THSD4: variants seen among roughly 807,000 people sequenced by gnomAD.
THSD4 encodes the protein thrombospondin type-1 domain-containing protein 4.
In THSD4, 69 loss-of-function variants were observed where a neutral mutation model predicts 119.0. The observed-to-expected ratio is 0.58, with a 90% confidence interval of 0.48 to 0.71. The LOEUF (loss-of-function observed/expected upper bound fraction) is 0.71. Among genes scored for constraint, THSD4 ranks in the 30% least tolerant of loss-of-function variants. The pLI, the probability that THSD4 is intolerant of heterozygous loss-of-function variation, is 0.00. For missense variants in THSD4, 1,393 were observed against 1,391.1 expected, an observed-to-expected ratio of 1.00 and a Z score of -0.02; for synonymous variants, 524 against 540.4, an observed-to-expected ratio of 0.97 and a Z score of 0.42.
At chr15:71,402,237 A>T (rs1466504123) in intron 6 of THSD4, among the ~76,000 whole-genome samples, 1 of 151,946 alleles carries the variant, frequency 6.6e-6, no homozygotes, top group African/African-American at 2.4e-5. Context: ...ATTAAAAAAA[A>T]AAAGAAAATG....
chr15:71,255,489 A>G (rs2044305189), intron 5 of THSD4, among the ~76,000 whole-genome samples: 1 of 152,222 alleles, frequency 6.6e-6, no homozygotes, highest in African/African-American at 2.4e-5. Flanking sequence ...AACTTGATAA[A>G]ATACAGATCT....
chr15:71,606,665 C>T (rs191043109), intron 7 of THSD4, among the ~76,000 whole-genome samples: 10 of 152,202 alleles, frequency 6.6e-5, no homozygotes, highest in African/African-American at 1.7e-4. Flanking sequence ...CTCAGCCTCC[C>T]GAGTAGCTGG....
chr15:71,101,550 T>C (rs1242569562), intron 1 of THSD4, among the ~76,000 whole-genome samples: 1 of 152,210 alleles, frequency 6.6e-6, no homozygotes, highest in African/African-American at 2.4e-5. Flanking sequence ...TTTCCCTCGA[T>C]TTAATTTCCT....
chr15:71,285,845 C>T (rs1458371631), intron 6 of THSD4, among the ~76,000 whole-genome samples: 1 of 93,952 alleles, frequency 1.1e-5, no homozygotes, highest in Non-Finnish European at 1.8e-5. Context: ...CAGAGCGAGA[C>T]TCCGTCTCAA....
rs546680922 is a variant in THSD4 at position 71,447,116 on chromosome 15, T to TTG, written c.1152+35295_1152+35296dup. On this transcript the variant is annotated intron_variant, in intron 7 of 17. Transcript: ENST00000261862. ...TGTTGCCCTCTTCCCTCCATTTTTTTTGTTTTTTTTTTTTTTTTTTTTGGA... is the reference window on the plus strand; with the variant it reads ...TGTTGCCCTCTTCCCTCCATTTTTTTTGTGTTTTTTTTTTTTTTTTTTTTGGA... Among the ~76,000 whole-genome samples the TTG allele has an allele frequency of 0.011, 866 of 77,426 alleles. 35 individuals carry two copies. The East Asian group carries it at 0.14, about 12-fold the overall frequency. The allele number at this position is 77,426 out of a possible 152,430, so 50.8% of individuals were successfully genotyped here.
chr15:71,239,088 T>C (rs1016781372), intron 4 of THSD4, among the ~76,000 whole-genome samples: 1 of 152,246 alleles, frequency 6.6e-6, no homozygotes, highest in Non-Finnish European at 1.5e-5. Flanking sequence ...GAGCTTTTCT[T>C]ACATAAAGGC....
At chr15:71,538,843 G>A (rs2048721361) in intron 7 of THSD4, among the ~76,000 whole-genome samples, 2 of 152,252 alleles carry the variant, frequency 1.3e-5, no homozygotes, top group Admixed American at 6.5e-5. Flanking sequence ...CCTGTGTGCT[G>A]TAAGAGTTAG....
chr15:71,340,646 C>T (rs925187994), intron 6 of THSD4, among the ~76,000 whole-genome samples: 9 of 148,238 alleles, frequency 6.1e-5, no homozygotes, highest in Non-Finnish European at 1.3e-4. Flanking sequence ...TACTCTGTCA[C>T]CCAGCCTGGA....
At chr15:71,601,234 T>C (rs567627850) in intron 7 of THSD4, among the ~76,000 whole-genome samples, 1 of 152,318 alleles carries the variant, frequency 6.6e-6, no homozygotes, top group East Asian at 1.9e-4. Flanking sequence ...ATTTAACACT[T>C]CCTGCTGTGT....
intron 3 of THSD4, among the ~76,000 whole-genome samples, chr15:71,199,758 A>ATGTGTGGTGTGTGTGTGG (rs1567154889): frequency 1.2e-4 from 4 of 33,068 alleles, no homozygotes; most frequent in Admixed American, 6.4e-4. Flanking sequence ...GGTGTGTGTG[A>ATGTGTGGTGTGTGTGTGG]TGTGTGTGGT....
intron 6 of THSD4, among the ~76,000 whole-genome samples, chr15:71,299,976 A>ATAT (rs1555462048): frequency 0.011 from 554 of 48,214 alleles, 4 homozygotes; most frequent in East Asian, 0.097. Context: ...AAAAAAAAAA[A>ATAT]ATATATATAT....
intron 7 of THSD4, among the ~76,000 whole-genome samples, chr15:71,482,666 A>T (rs1327051306): frequency 1.3e-5 from 2 of 150,854 alleles, no homozygotes; most frequent in African/African-American, 4.9e-5. Context: ...GCTCACTGCA[A>T]CCTCCACCTC....
chr15:71,560,260 A>G (rs1343073411), intron 7 of THSD4, among the ~76,000 whole-genome samples: 1 of 152,234 alleles, frequency 6.6e-6, no homozygotes, highest in African/African-American at 2.4e-5. Context: ...CTGCCTGACT[A>G]CAATATTTTT....
At chr15:71,378,607 G>A (rs765202758) in intron 6 of THSD4, among the ~76,000 whole-genome samples, 1 of 152,176 alleles carries the variant, frequency 6.6e-6, no homozygotes, top group Non-Finnish European at 1.5e-5. Flanking sequence ...GGGATGCTTC[G>A]TCCTGCCAGT....
chr15:71,414,918 G>A (rs912491154), intron 7 of THSD4, among the ~76,000 whole-genome samples: 20 of 152,248 alleles, frequency 1.3e-4, no homozygotes, highest in Middle Eastern at 3.4e-3. Flanking sequence ...AACCACTGAC[G>A]GCTTCAGTTT....
At chr15:71,097,332 A>T (rs747983960) in intron 1 of THSD4, among the ~76,000 whole-genome samples, 2 of 152,198 alleles carry the variant, frequency 1.3e-5, no homozygotes, top group Non-Finnish European at 2.9e-5. Context: ...TGGGAGGCTG[A>T]GACGGGTGGA....
chr15:71,563,306 T>G (rs2049161337), intron 7 of THSD4, among the ~76,000 whole-genome samples: 1 of 152,116 alleles, frequency 6.6e-6, no homozygotes, highest in African/African-American at 2.4e-5. Context: ...AAAACCACTC[T>G]GGAAATCTCG....
intron 1 of THSD4, among the ~76,000 whole-genome samples, chr15:71,119,326 G>A (rs1310478314): frequency 1.3e-5 from 2 of 152,188 alleles, no homozygotes; most frequent in South Asian, 2.1e-4. Context: ...AGCAGGGCTC[G>A]AGAACTGGCG....
At chr15:71,192,227 A>G (rs2043678354) in intron 3 of THSD4, among the ~76,000 whole-genome samples, 1 of 151,716 alleles carries the variant, frequency 6.6e-6, no homozygotes, top group East Asian at 1.9e-4. Context: ...AACTGTCCAA[A>G]TTCCAAAAGC....
Sources: allele counts gnomAD v4.1 joint callset (sites outside exome capture counted in the v4.1 genomes callset), GRCh38; gene constraint gnomAD v4.1.1; transcripts MANE v1.5; gene names NCBI Gene and HGNC (gene_info 2026-07-23, HGNC 2026-07-21).